Variants in COBLL1 observed in about 807,000 individuals in gnomAD.
The protein encoded by COBLL1 is cordon-bleu protein-like 1.
Under a neutral mutation model 94.8 loss-of-function variants are expected in COBLL1, and 50 were observed. The observed-to-expected ratio is 0.53, with a 90% CI of 0.42 to 0.67. COBLL1 has a LOEUF of 0.67. COBLL1 is among the 30% of genes least tolerant of loss of function. COBLL1 has a pLI of 0.00. For missense variants in COBLL1, 1,362 were observed against 1,348.7 expected (o/e 1.01, Z -0.15); for synonymous variants, 448 against 473.8 (o/e 0.95, Z 0.71).
intron 2 of COBLL1, among the ~76,000 whole-genome samples, chr2:164,664,475 G>A (rs1196716649): frequency 1.3e-5 from 2 of 152,074 alleles, no homozygotes; most frequent in African/African-American, 2.4e-5. Flanking sequence ...TGATCTACTT[G>A]GGAAAGAAAG....
At chr2:164,686,592 AAGG>A (rs1420713491) in intron 13 of COBLL1, among the ~76,000 whole-genome samples, 1 of 133,316 alleles carries the variant, frequency 7.5e-6, no homozygotes, top group African/African-American at 2.7e-5. Flanking sequence ...GAAGACTGAA[AAGG>A]AGTTTTTTTT....
intron 1 of COBLL1, among the ~76,000 whole-genome samples, chr2:164,671,666 C>G (rs190280365): frequency 1.3e-5 from 2 of 151,756 alleles, no homozygotes; most frequent in Non-Finnish European, 2.9e-5. Context: ...GCTTCCAGAG[C>G]TTTATGAGGA....
In COBLL1 at chr2:164,682,918, A is replaced by G. The variant is rs1683103420; in HGVS notation, c.*3028T>C. On this transcript the variant is annotated 3_prime_UTR_variant, in exon 14 of 14. Coordinates refer to ENST00000652658, the MANE Select transcript of COBLL1 (RefSeq NM_001365672.2). ...CGATCGATCTGTATGTGTAAAAAGAAAAGCTCTTCCAGAACACTGCTGGTA... is the reference window on the plus strand; with the variant it reads ...CGATCGATCTGTATGTGTAAAAAGAGAAGCTCTTCCAGAACACTGCTGGTA... 1 of 151,908 alleles carries G rather than the reference A, an allele frequency of 6.6e-6. No homozygotes were observed. Among genetic ancestry groups the G allele is most frequent in the South Asian group, 2.1e-4 (1 of 4,812 alleles). 9.4% of individuals were successfully genotyped at this position (151,908 alleles called of 1,614,324 possible). A position where few individuals can be genotyped will look rare whatever the true frequency, so the allele number is the denominator to read the frequency against.
At chr2:164,719,955 G>A (rs569839906) in intron 7 of COBLL1, among the ~76,000 whole-genome samples, 164 of 152,150 alleles carry the variant, frequency 1.1e-3, no homozygotes, top group African/African-American at 3.8e-3. Flanking sequence ...ATAGAAGAGG[G>A]CTGAGATATA....
At chr2:164,671,513 C>G (rs933425658) in intron 1 of COBLL1, among the ~76,000 whole-genome samples, 5 of 152,196 alleles carry the variant, frequency 3.3e-5, no homozygotes, top group Non-Finnish European at 7.3e-5. Flanking sequence ...TAATTATTCT[C>G]TCCTCTGAGG....
chr2:164,692,249 G>A lies in COBLL1; in HGVS notation c.3272C>T (p.Ser1091Leu), dbSNP rs557248063. 3.3e-5 allele frequency: 53 copies of A among 1,611,358 alleles called. No homozygotes were observed. Among genetic ancestry groups the A allele is most frequent in the Non-Finnish European group, 3.9e-5 (46 of 1,178,908 alleles). The change falls in exon 13 of 14, where the codon TCG (serine) becomes TTG (leucine). Residue 1091 changes from serine (S) to leucine (L), a missense_variant. Physicochemically the swap from Ser to Leu is moderately radical, Grantham distance 145 (BLOSUM62 -2). Transcript: ENST00000652658. ...MRQSLLTAIR[S>L]GEAAAKLKRV... is the part of the protein sequence containing the mutation. ...TTTCAATTTGGCAGCAGCCTCTCCCGAACGGATTGCAGTCAGCAAACTCTG... is the reference window on the plus strand; with the variant it reads ...TTTCAATTTGGCAGCAGCCTCTCCCAAACGGATTGCAGTCAGCAAACTCTG...
chr2:164,785,770 A>C (rs1688925486), intron 2 of COBLL1, among the ~76,000 whole-genome samples: 1 of 152,072 alleles, frequency 6.6e-6, no homozygotes, highest in Non-Finnish European at 1.5e-5. Context: ...TGAGTCCAAG[A>C]AAGGAAAGAA....
At position 164,694,480 on chromosome 2, in the gene COBLL1, A is replaced by G. The variant is rs770485669; in HGVS notation, c.2912T>C (p.Leu971Ser). Residue 971 changes from leucine (L) to serine (S), a missense_variant, in exon 12 of 14, where the codon TTG becomes TCG. Leu to Ser is a moderately radical substitution (Grantham distance 145). Transcript: ENST00000652658. ...SQVSTQNLKT[L>S]KTFGAPRPYS... ...TGGTCGTGGGGCACCAAAAGTTTTC[A>G]AAGTCTTCAGATTTTGTGTGGATAC... 5 of 1,613,982 alleles carry G rather than the reference A, an allele frequency of 3.1e-6. No individual in the cohort carries two copies. In the East Asian group the frequency reaches 6.7e-5, roughly 22 times the overall value.
At chr2:164,701,263 TC>T (rs1192271262) in intron 9 of COBLL1, among the ~76,000 whole-genome samples, 1 of 152,160 alleles carries the variant, frequency 6.6e-6, no homozygotes, top group Non-Finnish European at 1.5e-5. Flanking sequence ...CACACCCTAC[TC>T]CACAAAATCA....
intron 1 of COBLL1, among the ~76,000 whole-genome samples, chr2:164,671,739 T>C (rs999883927): frequency 1.6e-4 from 25 of 151,910 alleles, no homozygotes; most frequent in Admixed American, 4.6e-4. Flanking sequence ...TTTTTTTTTT[T>C]CCAAGAGGCT....
intron 13 of COBLL1, among the ~76,000 whole-genome samples, chr2:164,686,419 A>G (rs966200833): frequency 3.9e-5 from 6 of 152,146 alleles, no homozygotes; most frequent in Non-Finnish European, 8.8e-5. Context: ...TCCACAAAGC[A>G]ATGAATTTTA....
At chr2:164,784,530 T>C (rs865917956) in intron 2 of COBLL1, among the ~76,000 whole-genome samples, 13 of 152,208 alleles carry the variant, frequency 8.5e-5, no homozygotes, top group Middle Eastern at 3.4e-3. Flanking sequence ...GATGTGAGCA[T>C]ATCCACCCAT....
chr2:164,690,893 C>T (rs770568150), intron 13 of COBLL1, among the ~76,000 whole-genome samples: 2 of 152,110 alleles, frequency 1.3e-5, no homozygotes, highest in Non-Finnish European at 2.9e-5. Context: ...GAAAACTTTT[C>T]GTGAGGTTGT....
intron 2 of COBLL1, among the ~76,000 whole-genome samples, chr2:164,784,283 C>T (rs983203268): frequency 1.3e-5 from 2 of 152,170 alleles, no homozygotes; most frequent in Non-Finnish European, 2.9e-5. Flanking sequence ...CCATACTGCG[C>T]AACACACAGA....
chr2:164,801,463 A>C (rs1342237396), intron 2 of COBLL1, among the ~76,000 whole-genome samples: 20 of 148,498 alleles, frequency 1.3e-4, no homozygotes, highest in African/African-American at 5.0e-4. Context: ...AAAAAAAAAA[A>C]AAAAAAGCTT....
At position 164,684,743 on chromosome 2, in the gene COBLL1, A is replaced by G. The variant is rs1486267034; in HGVS notation, c.*1203T>C. ...AAATATGCTGGTTGACACAAACTAT[A>G]TATTTTAAAAAGCACCCCAAATATA... On this transcript the variant is annotated 3_prime_UTR_variant, in exon 14 of 14. Transcript: ENST00000652658. 6.6e-6 allele frequency: 1 copy of G among 152,174 alleles called. No individual in the cohort carries two copies. 9.4% of individuals were successfully genotyped at this position (152,174 alleles called of 1,614,324 possible).
At chr2:164,697,276 CTGAG>C (rs1468347276) in intron 11 of COBLL1, 1 of 152,032 alleles carries the variant, frequency 6.6e-6, no homozygotes, top group East Asian at 1.9e-4. Flanking sequence ...TAAAATGCAA[CTGAG>C]TATCAGAATA....
Position 164,694,383 on chromosome 2 carries a change from G to C in COBLL1, c.3009C>G (p.Arg1003=). The C allele has an allele frequency of 3.1e-6, 5 of 1,613,996 alleles. No homozygotes were observed. The highest frequency in any genetic ancestry group is 4.2e-6 in the Non-Finnish European group (5 of 1,179,938). Residue 1003 remains arginine, a synonymous_variant, in exon 12 of 14, where the codon CGC becomes CGG. Coordinates refer to ENST00000652658, the MANE Select transcript of COBLL1 (RefSeq NM_001365672.2). ...ATGCACTGGCACTAGGTGACTCGGT[G>C]CGCTCTTTACTGAAAGACTGTGACC... ...VKRSQSFSKE[R]TESPSASALV...
intron 2 of COBLL1, among the ~76,000 whole-genome samples, chr2:164,833,041 C>T (rs1206780095): frequency 6.7e-6 from 1 of 150,318 alleles, no homozygotes; most frequent in Non-Finnish European, 1.5e-5. Flanking sequence ...GAAACTCCAT[C>T]TCAAAAACAA....
Sources: allele counts gnomAD v4.1 joint callset (sites outside exome capture counted in the v4.1 genomes callset), GRCh38; gene constraint gnomAD v4.1.1; transcripts MANE v1.5; gene names NCBI Gene and HGNC (gene_info 2026-07-23, HGNC 2026-07-21).